CEP63: variants seen among roughly 807,000 people sequenced by gnomAD.
CEP63 encodes the protein centrosomal protein 63, also known as centrosomal protein of 63 kDa.
A neutral mutation model predicts 89.1 loss-of-function variants in CEP63; 84 were observed. The ratio of observed to expected loss-of-function variants is 0.94; its 90% CI spans 0.79 to 1.13. The LOEUF is 1.13. Among genes scored for constraint, CEP63 ranks in the 50% most tolerant of loss-of-function variants. CEP63 has a pLI of 0.00. For missense variants in CEP63, 838 were observed against 813.3 expected (o/e 1.03, Z -0.37); for synonymous variants, 267 against 272.5 (o/e 0.98, Z 0.20).
chr3:134,635,620 G>C, the CEP63 span, among the ~76,000 whole-genome samples: 1 of 152,112 alleles, frequency 6.6e-6, no homozygotes, highest in Non-Finnish European at 1.5e-5. Context: ...TTCCGATGGT[G>C]GTGTATTCTG....
chr3:134,704,395 T>A, the CEP63 span, among the ~76,000 whole-genome samples: 1 of 151,164 alleles, frequency 6.6e-6, no homozygotes, highest in Non-Finnish European at 1.5e-5. Flanking sequence ...CAGTAGACAT[T>A]TAGTAGGGGA....
At chr3:134,694,905 G>T in the CEP63 span, among the ~76,000 whole-genome samples, 41 of 152,326 alleles carry the variant, frequency 2.7e-4, no homozygotes, top group Admixed American at 2.4e-3. Context: ...ACATGTGTGG[G>T]CACGTGTGTT....
the CEP63 span, among the ~76,000 whole-genome samples, chr3:134,626,622 G>T: frequency 6.6e-6 from 1 of 152,172 alleles, no homozygotes; most frequent in Non-Finnish European, 1.5e-5. Context: ...GGTGCTATTA[G>T]ACCTGAGAGA....
At chr3:134,573,366 G>A (rs1016875823) in intron 11 of CEP63, among the ~76,000 whole-genome samples, 2 of 152,064 alleles carry the variant, frequency 1.3e-5, no homozygotes, top group Non-Finnish European at 2.9e-5. Flanking sequence ...CTTTCTTCTA[G>A]GTTTCTTATA....
the CEP63 span, among the ~76,000 whole-genome samples, chr3:134,742,400 A>T: frequency 1.3e-5 from 2 of 152,144 alleles, no homozygotes; most frequent in African/African-American, 4.8e-5. Context: ...GGTGAACACC[A>T]GGAGAGGAAA....
the CEP63 span, among the ~76,000 whole-genome samples, chr3:134,731,519 A>G: frequency 6.6e-6 from 1 of 152,226 alleles, no homozygotes; most frequent in Non-Finnish European, 1.5e-5. Context: ...TCATGGGTCA[A>G]AAAAGAATTC....
At chr3:134,592,661 G>T (rs1262535208), downstream of CEP63, among the ~76,000 whole-genome samples, 11 of 152,006 alleles carry the variant, frequency 7.2e-5, no homozygotes, top group Admixed American at 7.2e-4. Flanking sequence ...TTTTTGCTTT[G>T]AGGACAAAAG....
chr3:134,527,995 A>G lies in CEP63; in HGVS notation c.223-3850A>G, dbSNP rs372534383. 6.6e-5 allele frequency among the ~76,000 whole-genome samples: 10 copies of G among 152,228 alleles called. 1 individual carries two copies. Among genetic ancestry groups the G allele is most frequent in the African/African-American group, 2.4e-4 (10 of 41,540 alleles). ...TCACACCAAACCCTCTGGGCTCCATATCAGCTGGCTTGCTGCCCCTATCAC... is the reference window on the plus strand; with the variant it reads ...TCACACCAAACCCTCTGGGCTCCATGTCAGCTGGCTTGCTGCCCCTATCAC... On this transcript the variant is annotated intron_variant, in intron 3 of 14. Coordinates refer to ENST00000675561, the MANE Select transcript of CEP63 (RefSeq NM_001353108.3).
chr3:134,693,227 T>G, the CEP63 span, among the ~76,000 whole-genome samples: 8 of 152,312 alleles, frequency 5.3e-5, 1 homozygote, highest in African/African-American at 1.9e-4. Context: ...TAGAATGCAT[T>G]CATAGCACAC....
At chr3:134,703,743 A>T in the CEP63 span, among the ~76,000 whole-genome samples, 2 of 152,348 alleles carry the variant, frequency 1.3e-5, no homozygotes, top group African/African-American at 4.8e-5. Flanking sequence ...ATGTTTACCT[A>T]TGCAACAAAT....
intron 2 of CEP63, among the ~76,000 whole-genome samples, chr3:134,495,814 A>G (rs1287919835): frequency 6.6e-6 from 1 of 152,176 alleles, no homozygotes; most frequent in Non-Finnish European, 1.5e-5. Context: ...CCACATATGA[A>G]TGAGAACATG....
chr3:134,571,136 A>G (rs1297671776), intron 11 of CEP63, among the ~76,000 whole-genome samples: 3 of 152,236 alleles, frequency 2.0e-5, no homozygotes, highest in African/African-American at 7.2e-5. Flanking sequence ...TTTTAAGAAT[A>G]TGCCAAAACA....
chr3:134,671,519 A>G, the CEP63 span, among the ~76,000 whole-genome samples: 1 of 152,248 alleles, frequency 6.6e-6, no homozygotes, highest in African/African-American at 2.4e-5. Context: ...TGAAGCAAAC[A>G]TAGAAGAAAA....
At chr3:134,715,638 A>G in the CEP63 span, among the ~76,000 whole-genome samples, 1 of 151,824 alleles carries the variant, frequency 6.6e-6, no homozygotes, top group South Asian at 2.1e-4. Context: ...AGATTCTCAG[A>G]GCAATGCGGG....
At chr3:134,720,131 T>C in the CEP63 span, among the ~76,000 whole-genome samples, 1 of 152,082 alleles carries the variant, frequency 6.6e-6, no homozygotes, top group African/African-American at 2.4e-5. Flanking sequence ...ACAAACACAA[T>C]TGTCTGTCTT....
the CEP63 span, among the ~76,000 whole-genome samples, chr3:134,668,148 G>A: frequency 2.0e-5 from 3 of 152,136 alleles, no homozygotes; most frequent in African/African-American, 7.2e-5. Flanking sequence ...CAGACCTCAG[G>A]TCTCTGCTAA....
intron 3 of CEP63, among the ~76,000 whole-genome samples, chr3:134,519,168 G>T (rs1477590307): frequency 2.0e-5 from 3 of 152,076 alleles, no homozygotes. Context: ...CTGTCGCCCA[G>T]GCAGGAGTGC....
At chr3:134,712,116 C>T in the CEP63 span, among the ~76,000 whole-genome samples, 4 of 152,074 alleles carry the variant, frequency 2.6e-5, no homozygotes, top group Non-Finnish European at 5.9e-5. Flanking sequence ...GAAAATTTTG[C>T]CCCATATTCT....
chr3:134,700,587 T>A, the CEP63 span, among the ~76,000 whole-genome samples: 1 of 152,112 alleles, frequency 6.6e-6, no homozygotes, highest in African/African-American at 2.4e-5. Flanking sequence ...TTTACTGAAT[T>A]CCAACCACGG....
Sources: allele counts gnomAD v4.1 joint callset (sites outside exome capture counted in the v4.1 genomes callset), GRCh38; gene constraint gnomAD v4.1.1; transcripts MANE v1.5; gene names NCBI Gene and HGNC (gene_info 2026-07-23, HGNC 2026-07-21).